Variants in NALF1 observed in about 807,000 individuals in gnomAD.
NALF1 encodes NALCN channel auxiliary factor 1.
NALF1 carries 3 observed loss-of-function variants against 48.4 expected under a neutral mutation model. That is an observed-to-expected ratio of 0.06 (90% CI 0.03 to 0.16). The LOEUF (loss-of-function observed/expected upper bound fraction) is 0.16, where lower values mean the gene tolerates loss of function less well. Among genes scored for constraint, NALF1 ranks in the 10% least tolerant of loss-of-function variants. NALF1 has a pLI of 1.00. For synonymous variants in NALF1, 262 were observed against 245.7 expected (o/e 1.07, Z -0.62); for missense variants, 526 against 571.5 (o/e 0.92, Z 0.81).
At chr13:107,368,385 C>T (rs886675901) in intron 1 of NALF1, among the ~76,000 whole-genome samples, 2 of 150,976 alleles carry the variant, frequency 1.3e-5, no homozygotes, top group African/African-American at 4.9e-5. Flanking sequence ...GGCCCAATCT[C>T]GGCTCACTAA....
At chr13:107,464,655 G>T (rs945045720) in intron 1 of NALF1, among the ~76,000 whole-genome samples, 1 of 152,004 alleles carries the variant, frequency 6.6e-6, no homozygotes, top group African/African-American at 2.4e-5. Context: ...CAAGTAGCTG[G>T]GATTACAGGC....
chr13:107,275,545 C>A (rs561203714), intron 1 of NALF1, among the ~76,000 whole-genome samples: 3 of 150,534 alleles, frequency 2.0e-5, no homozygotes, highest in African/African-American at 4.9e-5. Flanking sequence ...ACAGGTTGAG[C>A]AGTGATTTTT....
chr13:107,757,563 T>C (rs1425337097), intron 1 of NALF1, among the ~76,000 whole-genome samples: 1 of 151,984 alleles, frequency 6.6e-6, no homozygotes, highest in Non-Finnish European at 1.5e-5. Context: ...ATATAAACAG[T>C]GGTACAGATC....
intron 1 of NALF1, among the ~76,000 whole-genome samples, chr13:107,434,682 T>C (rs1308840056): frequency 6.6e-6 from 1 of 152,226 alleles, no homozygotes; most frequent in Admixed American, 6.5e-5. Flanking sequence ...AATCTTTCTT[T>C]AAATTCTAGC....
chr13:107,452,386 G>A (rs1199915955), intron 1 of NALF1, among the ~76,000 whole-genome samples: 1 of 152,138 alleles, frequency 6.6e-6, no homozygotes. Context: ...GGTGAAAAGT[G>A]AAAATAAAGC....
intron 1 of NALF1, among the ~76,000 whole-genome samples, chr13:107,570,503 T>C (rs745744948): frequency 1.1e-4 from 16 of 151,702 alleles, no homozygotes; most frequent in African/African-American, 1.7e-4. Flanking sequence ...TTTTCAAATA[T>C]TGAACCAGCC....
At chr13:107,686,454 G>A (rs1450844322) in intron 1 of NALF1, among the ~76,000 whole-genome samples, 1 of 151,986 alleles carries the variant, frequency 6.6e-6, no homozygotes, top group Non-Finnish European at 1.5e-5. Context: ...GAGTGCAGTG[G>A]TGGAATCTTG....
intron 1 of NALF1, among the ~76,000 whole-genome samples, chr13:107,503,789 A>G: frequency 1.6e-5 from 2 of 126,676 alleles, no homozygotes; most frequent in African/African-American, 2.7e-5. Context: ...GTGTGTGTGT[A>G]ATGAAGTATT....
In NALF1 at chr13:107,453,025, G is replaced by A. The variant is rs544900419; in HGVS notation, c.916-242270C>T. 2.0e-5 allele frequency among the ~76,000 whole-genome samples: 3 copies of A among 152,286 alleles called. No homozygotes were observed. In the South Asian group the frequency reaches 6.2e-4, roughly 32 times the overall value. On this transcript the variant is annotated intron_variant, in intron 1 of 2. Transcript: ENST00000375915. The stretch of plus-strand genomic sequence containing the variant: ...CAAGAGGTGGGCTCCCACAACCTTG[G>A]ACAGCTCCACTCCTTTGGCTTTGCA...
intron 1 of NALF1, among the ~76,000 whole-genome samples, chr13:107,696,846 C>A (rs1279035235): frequency 6.6e-6 from 1 of 152,032 alleles, no homozygotes; most frequent in Non-Finnish European, 1.5e-5. Flanking sequence ...TAGATTGCGT[C>A]CTTGCCTTTA....
chr13:107,680,044 C>A (rs142673700), intron 1 of NALF1, among the ~76,000 whole-genome samples: 2 of 152,228 alleles, frequency 1.3e-5, no homozygotes, highest in East Asian at 1.9e-4. Context: ...GGTGGGAGAC[C>A]TCCCAAGCAT....
chr13:107,379,882 G>C (rs1417303175), intron 1 of NALF1, among the ~76,000 whole-genome samples: 3 of 152,198 alleles, frequency 2.0e-5, no homozygotes, highest in Non-Finnish European at 4.4e-5. Context: ...TTACACTTAA[G>C]GCTGAGATTG....
intron 1 of NALF1, among the ~76,000 whole-genome samples, chr13:107,709,225 GGTC>G (rs1875496122): frequency 6.6e-6 from 1 of 152,140 alleles, no homozygotes; most frequent in Admixed American, 6.6e-5. Context: ...TAGATTCACA[GGTC>G]AACTCAATTT....
At chr13:107,853,957 A>G (rs1289989987) in intron 1 of NALF1, among the ~76,000 whole-genome samples, 4 of 152,258 alleles carry the variant, frequency 2.6e-5, no homozygotes, top group African/African-American at 9.6e-5. Flanking sequence ...AGATTGGATC[A>G]ACTATTTTAA....
At chr13:107,618,840 C>T (rs970910563) in intron 1 of NALF1, among the ~76,000 whole-genome samples, 5 of 152,126 alleles carry the variant, frequency 3.3e-5, no homozygotes, top group African/African-American at 1.2e-4. Flanking sequence ...GGAAAGGAAA[C>T]CAGACTCACA....
chr13:107,483,977 A>G (rs960530186), intron 1 of NALF1, among the ~76,000 whole-genome samples: 16 of 152,116 alleles, frequency 1.1e-4, no homozygotes, highest in Non-Finnish European at 2.2e-4. Flanking sequence ...TATTATTATC[A>G]TAATTTTCAC....
At chr13:107,176,478 T>C (rs1271904512) in intron 2 of NALF1, among the ~76,000 whole-genome samples, 1 of 151,786 alleles carries the variant, frequency 6.6e-6, no homozygotes, top group Non-Finnish European at 1.5e-5. Flanking sequence ...CCATCTCTAC[T>C]AAAAATACAA....
intron 1 of NALF1, among the ~76,000 whole-genome samples, chr13:107,817,764 C>G (rs1879211615): frequency 6.6e-6 from 1 of 152,142 alleles, no homozygotes; most frequent in Non-Finnish European, 1.5e-5. Context: ...TGCACTTCCC[C>G]ACATCACTGC....
At chr13:107,529,597 G>A (rs1262753840) in intron 1 of NALF1, among the ~76,000 whole-genome samples, 2 of 152,196 alleles carry the variant, frequency 1.3e-5, no homozygotes, top group African/African-American at 4.8e-5. Context: ...TAAAAGGCCA[G>A]CAAGGCTGAC....
Sources: gnomAD v4.1 joint callset for allele counts (sites outside exome capture counted in the v4.1 genomes callset) on GRCh38, gnomAD v4.1.1 for gene constraint, MANE v1.5 for transcripts, NCBI Gene and HGNC (gene_info 2026-07-23, HGNC 2026-07-21) for gene names.